The following EPB41L1 variants were observed in gnomAD, a reference collection of about 807,000 sequenced individuals.
EPB41L1 encodes band 4.1-like protein 1.
Under a neutral mutation model 97.8 loss-of-function variants are expected in EPB41L1, and 29 were observed. That is an observed-to-expected ratio of 0.30 (90% confidence interval 0.22 to 0.40). The LOEUF is 0.40. Ranked by LOEUF, EPB41L1 falls within the 10% of genes least tolerant of loss-of-function variation. The pLI, the probability that EPB41L1 is intolerant of heterozygous loss-of-function variation, is 1.00. For synonymous variants in EPB41L1, 383 were observed against 459.2 expected (o/e 0.83, Z 2.12); for missense variants, 812 against 1,162.3 (o/e 0.70, Z 4.38).
chr20:36,187,861 C>A (rs1238600701), intron 8 of EPB41L1, 98 bp downstream of exon 8: 3 of 1,005,626 alleles, frequency 3.0e-6, no homozygotes, highest in Non-Finnish European at 4.6e-6. Context: ...CCCTGTGTTA[C>A]CTCCAACTTG....
At position 36,195,821 on chromosome 20, in the gene EPB41L1, G is replaced by C. The variant is rs1306559800; in HGVS notation, c.1485+457G>C. ...TGTGTCCCCTGTGTCCTCACCCCTAGCTTCTTTTTGTATCTATTGGCAGTC... is the reference window on the plus strand; with the variant it reads ...TGTGTCCCCTGTGTCCTCACCCCTACCTTCTTTTTGTATCTATTGGCAGTC... On this transcript the variant is annotated intron_variant, in intron 13 of 21. Transcript: ENST00000338074. This position sits in a 1 kb window ranked among gnomAD's most constrained non-coding sequence, Gnocchi z 4.6. Among the ~76,000 whole-genome samples, 1 of 152,080 alleles carries C rather than the reference G, an allele frequency of 6.6e-6. No individual in the cohort carries two copies. The highest frequency in any genetic ancestry group is 1.5e-5 in the Non-Finnish European group (1 of 68,012).
chr20:36,171,428 G>A (rs1420560888), intron 1 of EPB41L1, among the ~76,000 whole-genome samples: 1 of 152,184 alleles, frequency 6.6e-6, no homozygotes, highest in African/African-American at 2.4e-5. Flanking sequence ...AGTGGCTTGA[G>A]TGGAAAGCAT....
Position 36,092,117 on chromosome 20 carries a change from G to C in EPB41L1, c.-65+505G>C, listed in dbSNP as rs1309148446. ...GAACGCACTGGGCTATCCTCCGCGA[G>C]CCCTGGCCGCGGGAACAATGGGAGC... On this transcript the variant is annotated intron_variant, in intron 1 of 19. Transcript: ENST00000202028. The surrounding 1 kb of genome is among the most constrained non-coding windows in gnomAD (Gnocchi z 7.0). Among the ~76,000 whole-genome samples, 1 of 152,174 alleles carries C rather than the reference G, an allele frequency of 6.6e-6. No homozygotes were observed. Among genetic ancestry groups the C allele is most frequent in the Non-Finnish European group, 1.5e-5 (1 of 68,022 alleles).
chr20:36,180,101 T>C (rs779561899), intron 5 of EPB41L1, among the ~76,000 whole-genome samples: 1 of 152,200 alleles, frequency 6.6e-6, no homozygotes. Context: ...CCAGGCCTGG[T>C]GGATGTCACT....
intron 1 of EPB41L1, among the ~76,000 whole-genome samples, chr20:36,097,135 G>T (rs1356326976): frequency 6.6e-6 from 1 of 152,224 alleles, no homozygotes; most frequent in Non-Finnish European, 1.5e-5. Flanking sequence ...GAAAAGTATT[G>T]AAAGAGGAAT....
At position 36,194,837 on chromosome 20, in the gene EPB41L1, C is replaced by T. The variant is rs181693407; in HGVS notation, c.1449+477C>T. Among the ~76,000 whole-genome samples, 290 of 152,232 alleles carry T rather than the reference C, an allele frequency of 1.9e-3. 1 individual carries two copies. Among genetic ancestry groups the T allele is most frequent in the Non-Finnish European group, 2.2e-3 (148 of 68,000 alleles). ...GTGTGTACACGCTCATGCAGGATTG[C>T]ATGACCTCAGCCTCACACTCACTTA... On this transcript the variant is annotated intron_variant, in intron 12 of 21. Coordinates refer to ENST00000338074, the MANE Select transcript of EPB41L1 (RefSeq NM_012156.2).
At chr20:36,188,984 G>A (rs2061823203) in intron 9 of EPB41L1, among the ~76,000 whole-genome samples, 1 of 151,948 alleles carries the variant, frequency 6.6e-6, no homozygotes, top group Non-Finnish European at 1.5e-5. Flanking sequence ...GTATTTAGGT[G>A]TTGTAAGTAT....
intron 1 of EPB41L1, among the ~76,000 whole-genome samples, chr20:36,099,146 G>T (rs1039887026): frequency 9.9e-5 from 15 of 152,126 alleles, no homozygotes; most frequent in African/African-American, 3.1e-4. Flanking sequence ...TCTAGCCTGG[G>T]TGACAGAGCA....
intron 11 of EPB41L1, among the ~76,000 whole-genome samples, chr20:36,192,556 GT>G (rs1302718953): frequency 6.6e-6 from 1 of 150,640 alleles, no homozygotes; most frequent in Non-Finnish European, 1.5e-5. Context: ...AAAAAAAAAG[GT>G]GGAAAGTGGG....
intron 17 of EPB41L1, among the ~76,000 whole-genome samples, chr20:36,216,562 T>A (rs1483923238): frequency 6.6e-6 from 1 of 152,222 alleles, no homozygotes; most frequent in African/African-American, 2.4e-5. Flanking sequence ...GAAAGATTAT[T>A]CTAGCAACCT....
intron 16 of EPB41L1, among the ~76,000 whole-genome samples, chr20:36,213,855 C>T (rs1454187874): frequency 6.6e-6 from 1 of 152,192 alleles, no homozygotes; most frequent in Non-Finnish European, 1.5e-5. Context: ...TTTCTTACAA[C>T]TTACCTTTCT....
intron 2 of EPB41L1, chr20:36,125,677 A>G (rs1383645123): frequency 2.5e-6 from 3 of 1,184,508 alleles, no homozygotes; most frequent in Admixed American, 2.4e-5. Context: ...AGGTGGGTCC[A>G]GCTCCTGCAG....
At chr20:36,196,424 A>G (rs1233582303) in intron 13 of EPB41L1, among the ~76,000 whole-genome samples, 1 of 152,118 alleles carries the variant, frequency 6.6e-6, no homozygotes, top group African/African-American at 2.4e-5. Flanking sequence ...TCAGGTTGGG[A>G]CTCACTACCC....
intron 1 of EPB41L1, among the ~76,000 whole-genome samples, chr20:36,094,399 C>T (rs1297687975): frequency 1.3e-5 from 2 of 152,072 alleles, no homozygotes; most frequent in Admixed American, 6.6e-5. Flanking sequence ...TTTCAGATAC[C>T]GGTACTGAAA....
chr20:36,115,275 T>C (rs2058548800), intron 2 of EPB41L1, among the ~76,000 whole-genome samples: 1 of 152,220 alleles, frequency 6.6e-6, no homozygotes, highest in African/African-American at 2.4e-5. Context: ...GACCATGCTC[T>C]GACTATTGCA....
chr20:36,103,895 A>G (rs1409576132), intron 1 of EPB41L1, among the ~76,000 whole-genome samples: 2 of 151,882 alleles, frequency 1.3e-5, no homozygotes, highest in African/African-American at 2.4e-5. Flanking sequence ...TAGTAGAGAC[A>G]GGGTTTCACC....
chr20:36,223,497 C>T (rs1390845998), intron 21 of EPB41L1, among the ~76,000 whole-genome samples: 2 of 152,190 alleles, frequency 1.3e-5, no homozygotes, highest in Admixed American at 1.3e-4. Context: ...AGGGGTTCTT[C>T]TGGGCCCTCT....
At chr20:36,211,885 G>T (rs957699603) in intron 15 of EPB41L1, among the ~76,000 whole-genome samples, 1 of 152,162 alleles carries the variant, frequency 6.6e-6, no homozygotes, top group African/African-American at 2.4e-5. Flanking sequence ...CAGCTGAAGC[G>T]GCTGAGAGGT....
At chr20:36,175,855 C>T (rs569528757) in intron 3 of EPB41L1, 140 bp downstream of exon 3, 52 of 877,954 alleles carry the variant, frequency 5.9e-5, no homozygotes, top group South Asian at 3.4e-4. Flanking sequence ...TGACCTGGCT[C>T]GGAGCTCCTT....
Sources: allele counts gnomAD v4.1 joint callset (sites outside exome capture counted in the v4.1 genomes callset), GRCh38; gene constraint gnomAD v4.1.1; non-coding constraint Gnocchi (gnomAD v3.1); transcripts MANE v1.5; gene names NCBI Gene and HGNC (gene_info 2026-07-23, HGNC 2026-07-21).